Variants in ADGRL2 observed in about 807,000 individuals in gnomAD.
The protein encoded by ADGRL2 is adhesion G protein-coupled receptor L2.
ADGRL2 carries 44 observed loss-of-function variants against 157.4 expected under a neutral mutation model. That is an observed-to-expected ratio of 0.28 (90% CI 0.22 to 0.36). The LOEUF is 0.36. Among genes scored for constraint, ADGRL2 ranks in the 10% least tolerant of loss-of-function variants. The probability of loss-of-function intolerance (pLI) is 1.00; values close to 1 mark genes in which losing one functional copy is unlikely to be tolerated. For synonymous variants in ADGRL2, 585 were observed against 624.7 expected, an observed-to-expected ratio of 0.94 and a Z score of 0.95; for missense variants, 1,510 against 1,768.9, an observed-to-expected ratio of 0.85 and a Z score of 2.63.
chr1:81,418,061 T>C (rs1055147054), intron 1 of ADGRL2, among the ~76,000 whole-genome samples: 1 of 152,246 alleles, frequency 6.6e-6, no homozygotes, highest in Non-Finnish European at 1.5e-5. Flanking sequence ...TTCACCTGAA[T>C]AACCCAGCTC....
chr1:81,495,041 G>A (rs1357477728), intron 2 of ADGRL2, among the ~76,000 whole-genome samples: 4 of 152,210 alleles, frequency 2.6e-5, no homozygotes, highest in Non-Finnish European at 5.9e-5. Flanking sequence ...TCAGAAAACT[G>A]CAGCTCTAAT....
intron 1 of ADGRL2, among the ~76,000 whole-genome samples, chr1:81,374,455 C>A (rs546489690): frequency 6.6e-6 from 1 of 151,988 alleles, no homozygotes; most frequent in South Asian, 2.1e-4. Context: ...ACCTGTAATC[C>A]CAGCTACTCA....
chr1:81,587,804 C>G (rs995702427), intron 3 of ADGRL2, among the ~76,000 whole-genome samples: 1 of 152,100 alleles, frequency 6.6e-6, no homozygotes, highest in East Asian at 1.9e-4. Flanking sequence ...AAAATGTGAG[C>G]CTTTGCTGTG....
rs78461277 is a variant in ADGRL2, at chr1:81,903,612, C to T, written c.74-3405C>T. On this transcript the variant is annotated intron_variant, in intron 2 of 23. Coordinates refer to ENST00000686636, the MANE Select transcript of ADGRL2 (RefSeq NM_001366006.2). ...GTTGTTGAACATAAAACAAAGTGAT[C>T]CATATAAAGCATTTAAGCCAGTGCC... is the stretch of plus-strand genomic sequence containing the variant. Among the ~76,000 whole-genome samples, 513 of 151,254 alleles carry T rather than the reference C, an allele frequency of 3.4e-3. 21 individuals are homozygous for T. In the South Asian group the frequency reaches 0.054, roughly 16 times the overall value.
At chr1:81,801,397 C>G (rs1449777492) in intron 1 of ADGRL2, among the ~76,000 whole-genome samples, 1 of 152,178 alleles carries the variant, frequency 6.6e-6, no homozygotes, top group Non-Finnish European at 1.5e-5. Flanking sequence ...TGTGTCAGGA[C>G]TTCGCATTCC....
intron 3 of ADGRL2, among the ~76,000 whole-genome samples, chr1:81,930,562 G>T (rs780787366): frequency 3.9e-4 from 60 of 152,164 alleles, no homozygotes; most frequent in Non-Finnish European, 8.8e-5. Flanking sequence ...GTTAAGTGAT[G>T]CATTAGCTAT....
chr1:81,736,142 CAAAAAAA>C (rs71085371), intron 1 of ADGRL2, among the ~76,000 whole-genome samples: 1 of 92,586 alleles, frequency 1.1e-5, no homozygotes, highest in African/African-American at 3.8e-5. Flanking sequence ...GACCCCGTCT[CAAAAAAA>C]AAAAAAAAAA....
intron 19 of ADGRL2, among the ~76,000 whole-genome samples, chr1:81,983,758 C>A (rs1420769329): frequency 1.3e-5 from 2 of 151,976 alleles, no homozygotes; most frequent in African/African-American, 4.8e-5. Flanking sequence ...TTAGATGGGG[C>A]CCTATTATTT....
chr1:81,558,252 G>C (rs1288910874), intron 2 of ADGRL2, among the ~76,000 whole-genome samples: 2 of 152,090 alleles, frequency 1.3e-5, no homozygotes, highest in African/African-American at 4.8e-5. Context: ...AAACAGTATG[G>C]ACATAGGTTT....
At chr1:81,926,876 A>G (rs925964223) in intron 3 of ADGRL2, among the ~76,000 whole-genome samples, 1 of 152,046 alleles carries the variant, frequency 6.6e-6, no homozygotes, top group African/African-American at 2.4e-5. Flanking sequence ...GAGTGAGTCA[A>G]GCCTAATTTG....
At chr1:81,935,080 T>TA in intron 3 of ADGRL2, among the ~76,000 whole-genome samples, 1 of 152,114 alleles carries the variant, frequency 6.6e-6, no homozygotes, top group Middle Eastern at 3.4e-3. Context: ...TGAGAAACTG[T>TA]AAACCTACCT....
chr1:81,890,645 T>A (rs1463725380), intron 2 of ADGRL2, among the ~76,000 whole-genome samples: 1 of 152,130 alleles, frequency 6.6e-6, no homozygotes, highest in Non-Finnish European at 1.5e-5. Flanking sequence ...TATCTCTTAT[T>A]GAATCAATGT....
intron 1 of ADGRL2, among the ~76,000 whole-genome samples, chr1:81,384,075 C>G (rs1412431495): frequency 6.6e-6 from 1 of 152,072 alleles, no homozygotes; most frequent in Non-Finnish European, 1.5e-5. Context: ...ACTCCATTTT[C>G]ATTTTTAGGA....
At chr1:81,605,194 G>A (rs2081409157) in intron 3 of ADGRL2, among the ~76,000 whole-genome samples, 2 of 152,148 alleles carry the variant, frequency 1.3e-5, no homozygotes, top group South Asian at 4.1e-4. Context: ...CCCCCAGTCT[G>A]CAAATTCCTT....
chr1:81,489,728 C>G (rs755015060), intron 2 of ADGRL2, among the ~76,000 whole-genome samples: 1 of 152,114 alleles, frequency 6.6e-6, no homozygotes, highest in Non-Finnish European at 1.5e-5. Flanking sequence ...AGTGGCTCAT[C>G]GCATACAAGG....
intron 3 of ADGRL2, among the ~76,000 whole-genome samples, chr1:81,687,558 A>G (rs1023434855): frequency 6.6e-6 from 1 of 152,170 alleles, no homozygotes; most frequent in Non-Finnish European, 1.5e-5. Flanking sequence ...AGTCTCCTGA[A>G]GGCATCAGAT....
At chr1:81,488,339 A>G (rs2078553472) in intron 2 of ADGRL2, among the ~76,000 whole-genome samples, 1 of 152,098 alleles carries the variant, frequency 6.6e-6, no homozygotes. Context: ...TAAAAACGTT[A>G]ACAAAAAACA....
At chr1:81,955,830 G>T in intron 10 of ADGRL2, 47 bp from the exon 11 acceptor site, 1 of 1,226,834 alleles carries the variant, frequency 8.2e-7, no homozygotes, top group Non-Finnish European at 1.1e-6. Flanking sequence ...AAATCACTTT[G>T]GTTCTAAAAG....
intron 1 of ADGRL2, among the ~76,000 whole-genome samples, chr1:81,818,981 T>G (rs564100051): frequency 6.6e-6 from 1 of 152,126 alleles, no homozygotes; most frequent in South Asian, 2.1e-4. Flanking sequence ...GTACAGAAAG[T>G]AGGAGATGAA....
Sources: allele counts gnomAD v4.1 joint callset (sites outside exome capture counted in the v4.1 genomes callset), GRCh38; gene constraint gnomAD v4.1.1; transcripts MANE v1.5; gene names NCBI Gene and HGNC (gene_info 2026-07-23, HGNC 2026-07-21).